UTRN: variants seen among roughly 807,000 people sequenced by gnomAD.
The protein encoded by UTRN is dystrophin-related protein 1.
Under a neutral mutation model 463.9 loss-of-function variants are expected in UTRN, and 283 were observed. That is an observed-to-expected ratio of 0.61 (90% CI 0.55 to 0.67). The LOEUF is 0.67. Among genes scored for constraint, UTRN ranks in the 30% least tolerant of loss-of-function variants. UTRN has a pLI of 0.00. For missense variants in UTRN, 3,922 were observed against 4,084.3 expected, an observed-to-expected ratio of 0.96 and a Z score of 1.08; for synonymous variants, 1,442 against 1,431.5, an observed-to-expected ratio of 1.01 and a Z score of -0.17.
At chr6:144,444,453 A>T in intron 14 of UTRN, 71 bp downstream of exon 14, 1 of 1,170,890 alleles carries the variant, frequency 8.5e-7, no homozygotes, top group Non-Finnish European at 1.2e-6. Context: ...GTGACTTTAG[A>T]ATAAAGTTGC....
At chr6:144,441,614 C>A (rs1189918917) in intron 13 of UTRN, among the ~76,000 whole-genome samples, 1 of 152,194 alleles carries the variant, frequency 6.6e-6, no homozygotes, top group Non-Finnish European at 1.5e-5. Flanking sequence ...GTCAGTGGAT[C>A]TACCACCCTG....
intron 2 of UTRN, among the ~76,000 whole-genome samples, chr6:144,367,707 A>G (rs1430176085): frequency 6.6e-6 from 1 of 152,206 alleles, no homozygotes; most frequent in Non-Finnish European, 1.5e-5. Flanking sequence ...TCAAGAAGAC[A>G]GTAATTTGTT....
intron 51 of UTRN, among the ~76,000 whole-genome samples, chr6:144,585,338 C>T (rs947856352): frequency 1.3e-5 from 2 of 152,048 alleles, no homozygotes; most frequent in Admixed American, 6.5e-5. Flanking sequence ...CTATCTTCCA[C>T]GTATTCTTTC....
chr6:144,439,166 C>CT (rs1429637183), intron 12 of UTRN, among the ~76,000 whole-genome samples: 11 of 152,278 alleles, frequency 7.2e-5, no homozygotes, highest in South Asian at 2.1e-4. Flanking sequence ...TTTTGGCCCT[C>CT]TAAGTGGCTA....
chr6:144,384,102 T>C (rs1781183981), intron 2 of UTRN, among the ~76,000 whole-genome samples: 1 of 152,190 alleles, frequency 6.6e-6, no homozygotes, highest in Admixed American at 6.5e-5. Context: ...ATTTTAGCCA[T>C]TTGAAATGTA....
chr6:144,398,101 G>C (rs929252242), intron 2 of UTRN: 1 of 250,506 alleles, frequency 4.0e-6, no homozygotes, highest in Non-Finnish European at 8.4e-6. Context: ...CTGGAAAGAT[G>C]ACTGGGAAGT....
At chr6:144,753,048 T>C (rs1455945501) in intron 56 of UTRN, among the ~76,000 whole-genome samples, 1 of 152,292 alleles carries the variant, frequency 6.6e-6, no homozygotes, top group East Asian at 1.9e-4. Flanking sequence ...TTTTAGGCCT[T>C]AATGAACAAA....
At chr6:144,570,851 T>G (rs569479376) in intron 50 of UTRN, among the ~76,000 whole-genome samples, 1 of 152,334 alleles carries the variant, frequency 6.6e-6, no homozygotes, top group Admixed American at 6.5e-5. Context: ...GCTAGGTATT[T>G]AAATATCTGT....
At chr6:144,831,342 A>G (rs781116559) in intron 69 of UTRN, among the ~76,000 whole-genome samples, 3 of 152,142 alleles carry the variant, frequency 2.0e-5, no homozygotes, top group Non-Finnish European at 4.4e-5. Context: ...TAGGAAGGAG[A>G]GCCAGAGTCA....
intron 13 of UTRN, among the ~76,000 whole-genome samples, chr6:144,444,065 C>T (rs1787426209): frequency 6.6e-6 from 1 of 152,116 alleles, no homozygotes; most frequent in African/African-American, 2.4e-5. Flanking sequence ...TAGTTTCTAG[C>T]TATGTGAAAT....
intron 54 of UTRN, among the ~76,000 whole-genome samples, chr6:144,744,871 C>T (rs990985155): frequency 3.3e-5 from 5 of 152,188 alleles, no homozygotes; most frequent in Non-Finnish European, 7.3e-5. Context: ...CACAAGAACC[C>T]AGTGGAGTGG....
chr6:144,620,368 C>T (rs1775228542), intron 51 of UTRN, among the ~76,000 whole-genome samples: 4 of 152,030 alleles, frequency 2.6e-5, no homozygotes, highest in Admixed American at 2.0e-4. Flanking sequence ...TTAGCTTCTG[C>T]TCCTGTTCTA....
chr6:144,832,012 A>T (rs1780713451), intron 69 of UTRN, among the ~76,000 whole-genome samples: 1 of 152,212 alleles, frequency 6.6e-6, no homozygotes, highest in Non-Finnish European at 1.5e-5. Flanking sequence ...GATAGTGTTT[A>T]CTATGTGTGA....
rs747840459 is a variant in UTRN at position 144,700,232 on chromosome 6, G to A, written c.7798G>A (p.Asp2600Asn). The A allele has an allele frequency of 1.2e-6, 2 of 1,612,266 alleles. No homozygotes were observed. The highest frequency in any genetic ancestry group is 1.7e-6 in the Non-Finnish European group (2 of 1,178,886). The part of the protein sequence containing the change: ...GDVPALQLQY[D>N]HCKALRRELK... ...TGTTCCAGCCTTACAGCTCCAGTATGACCATTGTAAGGTAAGTGGATAACC... is the reference window on the plus strand; with the variant it reads ...TGTTCCAGCCTTACAGCTCCAGTATAACCATTGTAAGGTAAGTGGATAACC... The change falls in exon 53 of 75, where the codon GAC becomes AAC. Residue 2600 changes from aspartate (D) to asparagine (N), a missense_variant. By Grantham distance (23) the Asp-to-Asn change is conservative. Transcript: ENST00000367545.
Position 144,474,789 on chromosome 6 carries a change from T to C in UTRN, c.3336+30T>C, listed in dbSNP as rs759251890. ...GTTTTTCAACTTTACTACCTACGGT[T>C]TTCAGGAGATGTAGACTGTAGCTTC... On this transcript the variant is annotated intron_variant, in intron 25 of 74. Transcript: ENST00000367545. 4 of 1,605,168 alleles carry C rather than the reference T, an allele frequency of 2.5e-6. No individual in the cohort carries two copies. The South Asian group carries it at 4.5e-5, about 18-fold the overall frequency.
intron 52 of UTRN, among the ~76,000 whole-genome samples, chr6:144,681,801 G>A (rs1782226949): frequency 6.6e-6 from 1 of 152,092 alleles, no homozygotes; most frequent in African/African-American, 2.4e-5. Context: ...TGCTTTTACA[G>A]AGATTAGATA....
chr6:144,307,049 A>G (rs1032506926), intron 2 of UTRN, among the ~76,000 whole-genome samples: 6 of 150,706 alleles, frequency 4.0e-5, no homozygotes, highest in Admixed American at 6.6e-5. Flanking sequence ...TGGGTGGCAG[A>G]GTGTGACTCT....
Position 144,636,741 on chromosome 6 carries a change from A to T in UTRN, c.7480-41665A>T, listed in dbSNP as rs977990009. Among the ~76,000 whole-genome samples the T allele has an allele frequency of 2.0e-5, 3 of 152,216 alleles. No homozygotes were observed. In the East Asian group the frequency reaches 5.8e-4, roughly 29 times the overall value. ...ATACATTGGGATTATAGTTGCTTGC[A>T]GTATAGCATTTACATCTTCCTTATT... On this transcript the variant is annotated intron_variant, in intron 51 of 74. Coordinates refer to ENST00000367545, the MANE Select transcript of UTRN (RefSeq NM_007124.3).
rs767410726 is a variant in UTRN at position 144,437,785 on chromosome 6, C to G, written c.1241+39C>G. ...CAAGAAATGCACTTAATTCCACAGG[C>G]TGCTTTGCACAGTTGAGCTCTAGTA... On this transcript the variant is annotated intron_variant, in intron 11 of 74. Coordinates refer to ENST00000367545, the MANE Select transcript of UTRN (RefSeq NM_007124.3). 4 of 1,580,406 alleles carry G rather than the reference C, an allele frequency of 2.5e-6. No homozygotes were observed. The East Asian group carries it at 9.0e-5, about 36-fold the overall frequency.
Sources: allele counts gnomAD v4.1 joint callset (sites outside exome capture counted in the v4.1 genomes callset), GRCh38; gene constraint gnomAD v4.1.1; transcripts MANE v1.5; gene names NCBI Gene and HGNC (gene_info 2026-07-23, HGNC 2026-07-21).